ATG16L2: variants seen among roughly 807,000 people sequenced by gnomAD.
The protein encoded by ATG16L2 is autophagy related 16 like 2.
Under a neutral mutation model 84.7 loss-of-function variants are expected in ATG16L2, and 77 were observed. The observed-to-expected ratio is 0.91, with a 90% CI of 0.76 to 1.10. ATG16L2 has a LOEUF of 1.10. ATG16L2 is among the 50% of genes least tolerant of loss of function. The probability of loss-of-function intolerance (pLI) is 0.00; values close to 1 mark genes in which losing one functional copy is unlikely to be tolerated. For missense variants in ATG16L2, 782 were observed against 817.6 expected (o/e 0.96, Z 0.53); for synonymous variants, 361 against 342.8 (o/e 1.05, Z -0.59).
intron 5 of ATG16L2, chr11:72,838,728 C>T (rs1860809062): frequency 4.3e-5 from 61 of 1,418,910 alleles, no homozygotes; most frequent in Non-Finnish European, 5.8e-5. Context: ...GCCTAAAAAA[C>T]AAGACTGGCC....
chr11:72,836,288 T>C (rs1160076845), intron 5 of ATG16L2, among the ~76,000 whole-genome samples: 3 of 152,112 alleles, frequency 2.0e-5, no homozygotes, highest in Non-Finnish European at 4.4e-5. Flanking sequence ...TTTCACACAA[T>C]TCATTACTCC....
chr11:72,824,929 G>C, intron 9 of ATG16L2, 87 bp downstream of exon 9: 1 of 1,161,224 alleles, frequency 8.6e-7, no homozygotes, highest in Non-Finnish European at 1.2e-6. Flanking sequence ...GTGGTCCCAA[G>C]AGGCCAGGGA....
chr11:72,834,637 C>T (rs1489637218), intron 5 of ATG16L2, among the ~76,000 whole-genome samples: 1 of 150,628 alleles, frequency 6.6e-6, no homozygotes, highest in Non-Finnish European at 1.5e-5. Flanking sequence ...GTCTGGAGTG[C>T]AGTGGCATGA....
Position 72,822,264 on chromosome 11 carries a change from G to T in ATG16L2, c.613G>T (p.Glu205Ter). The change falls in exon 5 of 18, where the codon GAG becomes TAG. Residue 205 changes from glutamate (E) to a stop codon, truncating the protein, a stop_gained. Coordinates refer to ENST00000321297, the MANE Select transcript of ATG16L2 (RefSeq NM_033388.2). LOFTEE classifies it high-confidence loss of function. The surrounding 1 kb of genome is among the most constrained non-coding windows in gnomAD (Gnocchi z 4.2). ...GCAGCGCAAGGCGCGCGCCGCGGCC[G>T]AGCGCAACCTGCGCAACGAGCGCCG... ...LVQRKARAAA[E>*]RNLRNERRER... 1 of 1,503,486 alleles carries T rather than the reference G, an allele frequency of 6.7e-7. No homozygotes were observed. Among genetic ancestry groups the T allele is most frequent in the South Asian group, 1.2e-5 (1 of 80,372 alleles). The allele number at this position is 1,503,486 out of a possible 1,614,324, so 93.1% of individuals were successfully genotyped here. A position where few individuals can be genotyped will look rare whatever the true frequency, so the allele number is the denominator to read the frequency against.
rs1313696593 is a variant in ATG16L2 at position 72,828,516 on chromosome 11, C to T, written c.1622+8C>T. ...CATCCGCCAGGTGTTCAGGTACCAG[C>T]CTCATGCCTGCTGACCCTGTGGCCT... is the stretch of plus-strand genomic sequence containing the variant. On this transcript the variant is annotated splice_region_variant and intron_variant, in intron 15 of 17. Coordinates refer to ENST00000321297, the MANE Select transcript of ATG16L2 (RefSeq NM_033388.2). 1.9e-6 allele frequency: 3 copies of T among 1,614,152 alleles called. No homozygotes were observed. The highest frequency in any genetic ancestry group is 2.5e-6 in the Non-Finnish European group (3 of 1,180,044).
intron 4 of ATG16L2, 95 bp from the exon 5 acceptor site, chr11:72,821,949 G>A: frequency 4.9e-6 from 7 of 1,431,534 alleles, no homozygotes; most frequent in Middle Eastern, 2.6e-4. Context: ...AGCCGCGTTT[G>A]GCATGGGCAG....
chr11:72,838,842 A>C (rs200337344), intron 5 of ATG16L2: 1 of 1,608,576 alleles, frequency 6.2e-7, no homozygotes, highest in African/African-American at 1.3e-5. Context: ...GCCTTCGGTG[A>C]TTCTGTGTAG....
chr11:72,828,646 A>C (rs1860502260), intron 15 of ATG16L2, 83 bp from the exon 16 acceptor site: 1 of 1,598,744 alleles, frequency 6.3e-7, no homozygotes, highest in Non-Finnish European at 8.6e-7. Flanking sequence ...ACCCCTCGAC[A>C]AAGAGGAAGC....
At chr11:72,835,402 CAGGAGAGGTGGTGGTG>C (rs71062791) in intron 5 of ATG16L2, among the ~76,000 whole-genome samples, 15,279 of 151,346 alleles carry the variant, frequency 0.1, 978 homozygotes, top group Admixed American at 0.18. Flanking sequence ...TGAGAAAAGG[CAGGAGAGGTGGTGGTG>C]AGGAGAGGTG....
exon 6 of ATG16L2, chr11:72,842,834 A>G (rs1861003182): frequency 2.5e-6 from 4 of 1,613,444 alleles, no homozygotes; most frequent in Non-Finnish European, 2.5e-6. Flanking sequence ...GTGCTTTCAC[A>G]AAACATACTA....
intron 7 of ATG16L2, 103 bp from the exon 8 acceptor site, chr11:72,823,957 G>A (rs756293852): frequency 8.5e-6 from 11 of 1,292,994 alleles, no homozygotes; most frequent in Non-Finnish European, 1.2e-5. Context: ...AGACTTGAGA[G>A]GTTACAAGCC....
In ATG16L2 at chr11:72,829,349, G is replaced by A; in HGVS notation, c.1819G>A (p.Val607Met). The change falls in exon 18 of 18, where the codon GTG becomes ATG. Residue 607 changes from valine (V) to methionine (M), a missense_variant. By Grantham distance (21) the Val-to-Met change is conservative (BLOSUM62 1). Transcript: ENST00000321297. ...VAWCYSGSHM[V>M]SVDQGRKVVL... Reference sequence around the variant, plus strand: ...CTGGTGCTACTCCGGGAGCCACATGGTGAGCGTGGACCAGGGCAGGAAGGT... The same window carrying A: ...CTGGTGCTACTCCGGGAGCCACATGATGAGCGTGGACCAGGGCAGGAAGGT... The A allele has an allele frequency of 6.2e-7, 1 of 1,612,958 alleles. No individual in the cohort carries two copies.
chr11:72,822,236 C>A lies in ATG16L2; in HGVS notation c.585C>A (p.Leu195=), dbSNP rs998889115. 9.3e-6 allele frequency: 14 copies of A among 1,498,392 alleles called. 2 individuals are homozygous for A. Among genetic ancestry groups the A allele is most frequent in the East Asian group, 2.6e-5 (1 of 38,868 alleles). 92.8% of individuals were successfully genotyped at this position (1,498,392 alleles called of 1,614,324 possible). Reference sequence around the variant, plus strand: ...AGGCGCGCGACCTGCTGGAGAGGCTCGTGCAGCGCAAGGCGCGCGCCGCGG... The same window carrying A: ...AGGCGCGCGACCTGCTGGAGAGGCTAGTGCAGCGCAAGGCGCGCGCCGCGG... ...QEEARDLLER[L]VQRKARAAAE... is the part of the protein sequence containing the mutation. Residue 195 remains leucine, a synonymous_variant, in exon 5 of 18, where the codon CTC becomes CTA. Coordinates refer to ENST00000321297, the MANE Select transcript of ATG16L2 (RefSeq NM_033388.2). The surrounding 1 kb of genome is among the most constrained non-coding windows in gnomAD (Gnocchi z 4.2).
rs369146874 is a variant in ATG16L2, at chr11:72,816,698, G to A, written c.119-30G>A. 25 of 1,575,796 alleles carry A rather than the reference G, an allele frequency of 1.6e-5. No individual in the cohort carries two copies. In the African/African-American group the frequency reaches 3.0e-4, roughly 19 times the overall value. ...AGGGGGCTGCTGGGTATCTGTCTCT[G>A]CCCCAGGCTCACTCTCTTGCACTCT... On this transcript the variant is annotated intron_variant, in intron 1 of 17. Coordinates refer to ENST00000321297, the MANE Select transcript of ATG16L2 (RefSeq NM_033388.2).
In ATG16L2 at chr11:72,842,511, C is replaced by T. The variant is rs1485283743; in HGVS notation, c.*22-106C>T. ...TGTGCAGACACTGGCAACCAAGGAC[C>T]GGTGAGGGTAAGGCAGAGACTGCAG... is the stretch of plus-strand genomic sequence containing the variant. On this transcript the variant is annotated intron_variant, in intron 5 of 5. Transcript: ENST00000534905. 12 of 1,309,194 alleles carry T rather than the reference C, an allele frequency of 9.2e-6. No individual in the cohort carries two copies. In the East Asian group the frequency reaches 1.4e-4, roughly 16 times the overall value. The allele number at this position is 1,309,194 out of a possible 1,614,324, so 81.1% of individuals were successfully genotyped here.
chr11:72,821,594 A>T, intron 3 of ATG16L2, 74 bp from the exon 4 acceptor site: 1 of 1,505,398 alleles, frequency 6.6e-7, no homozygotes, highest in Non-Finnish European at 8.8e-7. Context: ...CGACTCCCTT[A>T]GCGCCTTCGG....
chr11:72,814,687 TGC>T, intron 1 of ATG16L2, 124 bp downstream of exon 1: 1 of 705,534 alleles, frequency 1.4e-6, no homozygotes, highest in Non-Finnish European at 2.1e-6. Context: ...CTTGAGCCTG[TGC>T]GTTACGCCCA....
intron 7 of ATG16L2, 77 bp downstream of exon 7, chr11:72,823,038 C>A: frequency 1.9e-6 from 2 of 1,045,216 alleles, no homozygotes; most frequent in Non-Finnish European, 2.8e-6. Flanking sequence ...CCTCTTGGAC[C>A]TTGGAGCCAG....
At chr11:72,843,303 C>T (rs1181054734) in exon 6 of ATG16L2, 1 of 1,613,874 alleles carries the variant, frequency 6.2e-7, no homozygotes, top group Non-Finnish European at 8.5e-7. Context: ...TGGCACATAA[C>T]CCACTTGGCC....
Sources: gnomAD v4.1 joint callset for allele counts (sites outside exome capture counted in the v4.1 genomes callset) on GRCh38, gnomAD v4.1.1 for gene constraint, Gnocchi (gnomAD v3.1) non-coding constraint, MANE v1.5 for transcripts, NCBI Gene and HGNC (gene_info 2026-07-23, HGNC 2026-07-21) for gene names.